HIVEP1: variants seen among roughly 807,000 people sequenced by gnomAD.
The protein encoded by HIVEP1 is HIVEP zinc finger 1.
Under a neutral mutation model 180.0 loss-of-function variants are expected in HIVEP1, and 36 were observed. That is an observed-to-expected ratio of 0.20 (90% confidence interval 0.15 to 0.26). HIVEP1 has a LOEUF of 0.26. HIVEP1 is among the 10% of genes least tolerant of loss of function. The pLI, the probability that HIVEP1 is intolerant of heterozygous loss-of-function variation, is 1.00. For missense variants in HIVEP1, 3,143 were observed against 3,268.7 expected, an observed-to-expected ratio of 0.96 and a Z score of 0.94; for synonymous variants, 1,239 against 1,239.0, an observed-to-expected ratio of 1.00 and a Z score of 0.00.
At chr6:12,083,104 C>T (rs7775270) in intron 2 of HIVEP1, among the ~76,000 whole-genome samples, 6,012 of 152,140 alleles carry the variant, frequency 0.04, 286 homozygotes, top group African/African-American at 0.11. Context: ...TTCAGATACC[C>T]AGTTGGCCTT....
At chr6:12,136,525 C>T (rs1241477861) in intron 7 of HIVEP1, among the ~76,000 whole-genome samples, 1 of 152,182 alleles carries the variant, frequency 6.6e-6, no homozygotes, top group East Asian at 1.9e-4. Flanking sequence ...AGCATTTAAT[C>T]CCCCTCTTGT....
intron 3 of HIVEP1, among the ~76,000 whole-genome samples, chr6:12,108,457 G>T (rs1458131158): frequency 6.6e-6 from 1 of 152,244 alleles, no homozygotes; most frequent in Non-Finnish European, 1.5e-5. Flanking sequence ...TCATCGGGGA[G>T]GCTTGGGCTG....
chr6:12,095,408 A>G (rs891581080), intron 3 of HIVEP1, among the ~76,000 whole-genome samples: 42 of 151,842 alleles, frequency 2.8e-4, no homozygotes, highest in African/African-American at 9.7e-4. Context: ...GCTTAGATGT[A>G]TCATACACAA....
the HIVEP1 span, among the ~76,000 whole-genome samples, chr6:12,189,033 T>G: frequency 6.6e-6 from 1 of 151,980 alleles, no homozygotes; most frequent in Non-Finnish European, 1.5e-5. Flanking sequence ...ATATGTTGAA[T>G]GTATACTTTG....
At chr6:12,200,380 G>A in the HIVEP1 span, among the ~76,000 whole-genome samples, 1 of 152,194 alleles carries the variant, frequency 6.6e-6, no homozygotes, top group East Asian at 1.9e-4. Flanking sequence ...CTGCCTATGG[G>A]GTAGCCCTGC....
intron 7 of HIVEP1, among the ~76,000 whole-genome samples, chr6:12,149,263 T>C (rs978269395): frequency 4.6e-5 from 7 of 152,228 alleles, no homozygotes; most frequent in Admixed American, 3.9e-4. Context: ...GGTAAACCTT[T>C]TTTTAAAAAG....
intron 2 of HIVEP1, among the ~76,000 whole-genome samples, chr6:12,043,523 C>G (rs1769917046): frequency 6.6e-6 from 1 of 151,894 alleles, no homozygotes; most frequent in Non-Finnish European, 1.5e-5. Flanking sequence ...CCTGCCACCA[C>G]AGCCAGCTAA....
intron 8 of HIVEP1, among the ~76,000 whole-genome samples, chr6:12,162,239 G>GT: frequency 7.0e-6 from 1 of 142,236 alleles, no homozygotes; most frequent in East Asian, 2.1e-4. Context: ...AAAAAAAAAC[G>GT]TGACAGTGGC....
At chr6:12,055,065 T>C (rs1185555043) in intron 2 of HIVEP1, among the ~76,000 whole-genome samples, 2 of 152,238 alleles carry the variant, frequency 1.3e-5, no homozygotes, top group African/African-American at 4.8e-5. Context: ...GAAAGTATAA[T>C]ACTAAGTAAT....
At chr6:12,177,446 A>G in the HIVEP1 span, among the ~76,000 whole-genome samples, 1 of 152,214 alleles carries the variant, frequency 6.6e-6, no homozygotes, top group Non-Finnish European at 1.5e-5. Flanking sequence ...TGAGAAAGTC[A>G]TTATATCTTC....
Position 12,125,464 on chromosome 6 carries a change from A to G in HIVEP1, c.5669A>G (p.Asp1890Gly). The G allele has an allele frequency of 1.2e-6, 2 of 1,614,140 alleles. No homozygotes were observed. The highest frequency in any genetic ancestry group is 2.2e-5 in the South Asian group (2 of 91,074). The change falls in exon 4 of 9, where the codon GAC (aspartate) becomes GGC (glycine). Residue 1890 changes from aspartate to glycine, a missense_variant. By Grantham distance (94) the Asp-to-Gly change is moderately conservative. This residue lies in a region of HIVEP1 where 1,357 missense variants were observed against 1,260.5 expected (regional missense o/e 1.08). Transcript: ENST00000379388. The stretch of plus-strand genomic sequence containing the variant: ...CATATTTCTCCTTTGAAATGTACAG[A>G]CAATAACCAAGAAAGGAAGTCTCCA... ...NTHISPLKCT[D>G]NNQERKSPGV...
chr6:12,088,340 AC>A (rs1340588888), intron 2 of HIVEP1, among the ~76,000 whole-genome samples: 1 of 152,044 alleles, frequency 6.6e-6, no homozygotes. Flanking sequence ...ACAAAATAGT[AC>A]CCTGGGAATT....
rs563647674 is a variant in HIVEP1 at position 12,030,602 on chromosome 6, T to C, written c.40+14934T>C. ...TTTCACTTACTTTACTTTTCAACTCTAGAATTTCTATTTGCTTCTCTGTCT... is the reference window on the plus strand; with the variant it reads ...TTTCACTTACTTTACTTTTCAACTCCAGAATTTCTATTTGCTTCTCTGTCT... On this transcript the variant is annotated intron_variant, in intron 2 of 8. Transcript: ENST00000379388. 2.2e-3 allele frequency among the ~76,000 whole-genome samples: 332 copies of C among 152,350 alleles called. 2 individuals are homozygous for C. The highest frequency in any genetic ancestry group is 3.3e-3 in the Non-Finnish European group (225 of 68,034).
the HIVEP1 span, among the ~76,000 whole-genome samples, chr6:12,170,896 C>A: frequency 6.6e-6 from 1 of 152,156 alleles, no homozygotes. Context: ...AGGGTGGAAG[C>A]AATCACGAGT....
chr6:12,112,356 G>A lies in HIVEP1; in HGVS notation c.95-7534G>A, dbSNP rs551757581. ...TGGTTTTCAGCAGTTTGAATATATT[G>A]TCTAAATTCTTTTTCTCCCTTTTCT... On this transcript the variant is annotated intron_variant, in intron 3 of 8. Transcript: ENST00000379388. 2.6e-5 allele frequency among the ~76,000 whole-genome samples: 4 copies of A among 151,864 alleles called. No homozygotes were observed. In the East Asian group the frequency reaches 7.7e-4, roughly 29 times the overall value.
rs768555369 is a variant in HIVEP1, at chr6:12,161,912, G to C, written c.6961G>C (p.Ala2321Pro). 1.2e-6 allele frequency: 2 copies of C among 1,611,438 alleles called. No homozygotes were observed. Among genetic ancestry groups the C allele is most frequent in the Non-Finnish European group, 8.5e-7 (1 of 1,178,222 alleles). Reference sequence around the variant, plus strand: ...TCTGAGAAGTTCTATGGCAGGAAAAGCTGTTGCTATAACACAGGTAAATGA... The same window carrying C: ...TCTGAGAAGTTCTATGGCAGGAAAACCTGTTGCTATAACACAGGTAAATGA... ...EILRSSMAGK[A>P]VAITQSPSSV... is the part of the protein sequence containing the mutation. Residue 2321 changes from alanine (A) to proline (P), a missense_variant, in exon 8 of 9, where the codon GCT becomes CCT. Transcript: ENST00000379388.
rs369983212 is a variant in HIVEP1, at chr6:12,124,223, G to A, written c.4428G>A (p.Glu1476=). Reference sequence around the variant, plus strand: ...AGCTCACTAGTACATCTTTAGCTGAGTTTTCTGCAAATACTTTGCACTCTC... The same window carrying A: ...AGCTCACTAGTACATCTTTAGCTGAATTTTCTGCAAATACTTTGCACTCTC... The part of the protein sequence containing the change: ...GPQLTSTSLA[E]FSANTLHSQT... Residue 1476 remains glutamate (E), a synonymous_variant, in exon 4 of 9, where the codon GAG becomes GAA. Coordinates refer to ENST00000379388, the MANE Select transcript of HIVEP1 (RefSeq NM_002114.4). The A allele has an allele frequency of 6.2e-6, 10 of 1,614,034 alleles. No homozygotes were observed. In the African/African-American group the frequency reaches 1.2e-4, roughly 19 times the overall value.
chr6:12,017,356 A>C (rs1390839722), intron 2 of HIVEP1, among the ~76,000 whole-genome samples: 1 of 151,930 alleles, frequency 6.6e-6, no homozygotes, highest in Admixed American at 6.5e-5. Context: ...ATGTGTTTGG[A>C]GTTTCTTTCT....
chr6:12,054,966 A>ATG (rs1172586554), intron 2 of HIVEP1, among the ~76,000 whole-genome samples: 1 of 152,226 alleles, frequency 6.6e-6, no homozygotes. Context: ...TTCTCGTGAG[A>ATG]TGTAGATTGT....
Sources: gnomAD v4.1 joint callset for allele counts (sites outside exome capture counted in the v4.1 genomes callset) on GRCh38, gnomAD v4.1.1 for gene constraint, gnomAD v4.1.1 regional missense constraint, MANE v1.5 for transcripts, NCBI Gene and HGNC (gene_info 2026-07-23, HGNC 2026-07-21) for gene names.